The following SUGP1 variants were observed in gnomAD, a reference collection of about 807,000 sequenced individuals.
SUGP1 encodes the protein SURP and G-patch domain containing 1.
Under a neutral mutation model 76.5 loss-of-function variants are expected in SUGP1, and 34 were observed. That is an observed-to-expected ratio of 0.44 (90% CI 0.34 to 0.59). The LOEUF is 0.59. Among genes scored for constraint, SUGP1 ranks in the 20% least tolerant of loss-of-function variants. The probability of loss-of-function intolerance (pLI) is 0.01; values close to 1 mark genes in which losing one functional copy is unlikely to be tolerated. For synonymous variants in SUGP1, 326 were observed against 326.2 expected, an observed-to-expected ratio of 1.00 and a Z score of 0.01; for missense variants, 752 against 851.7, an observed-to-expected ratio of 0.88 and a Z score of 1.46.
intron 8 of SUGP1, among the ~76,000 whole-genome samples, chr19:19,293,593 C>G (rs912135774): frequency 6.6e-5 from 10 of 151,226 alleles, no homozygotes; most frequent in African/African-American, 1.7e-4. Flanking sequence ...AAAAAAAGAA[C>G]AAGAAGAAGT....
intron 11 of SUGP1, 35 bp downstream of exon 11, chr19:19,278,655 G>C (rs1463481109): frequency 6.4e-7 from 1 of 1,569,370 alleles, no homozygotes; most frequent in African/African-American, 1.4e-5. Context: ...GCTGGCATGT[G>C]GCAGAGGCTG....
intron 2 of SUGP1, among the ~76,000 whole-genome samples, 159 bp from the exon 3 acceptor site, chr19:19,310,359 T>C (rs2061344974): frequency 1.3e-5 from 2 of 152,134 alleles, no homozygotes; most frequent in Admixed American, 1.3e-4. Flanking sequence ...CCCCCAGAGA[T>C]TTCAAGAGAC....
At chr19:19,295,851 CAG>C (rs1290384351) in intron 8 of SUGP1, among the ~76,000 whole-genome samples, 3 of 152,008 alleles carry the variant, frequency 2.0e-5, no homozygotes, top group African/African-American at 7.3e-5. Context: ...ACATGGGTGA[CAG>C]AGACCTCATG....
rs2061233974 is a variant in SUGP1, at chr19:19,297,218, G to A, written c.1014C>T (p.Ser338=). The part of the protein sequence containing the change: ...TAPDPGLKRK[S]PPEALSGSLP... ...AGGACCCTGACAGGGCCTCAGGAGG[G>A]GACTTGCGCTTCAGGCCGGGATCAG... is the stretch of plus-strand genomic sequence containing the variant. The change falls in exon 8 of 14, where the codon TCC becomes TCT. Residue 338 remains serine (S), a synonymous_variant. Transcript: ENST00000247001. The A allele has an allele frequency of 1.2e-6, 2 of 1,600,788 alleles. No individual in the cohort carries two copies. The highest frequency in any genetic ancestry group is 1.7e-5 in the Admixed American group (1 of 59,256).
At chr19:19,278,846 G>A (rs748314381) in intron 10 of SUGP1, 50 bp from the exon 11 acceptor site, 2 of 1,566,438 alleles carry the variant, frequency 1.3e-6, no homozygotes, top group Non-Finnish European at 1.7e-6. Context: ...GGAAGGAGGG[G>A]AGCAGGCCTG....
At chr19:19,300,534 A>G (rs2061263204) in intron 7 of SUGP1, among the ~76,000 whole-genome samples, 1 of 152,200 alleles carries the variant, frequency 6.6e-6, no homozygotes. Flanking sequence ...ATGTGGGTCT[A>G]ACTAGCATTT....
At chr19:19,313,029 A>C (rs948289617) in intron 2 of SUGP1, among the ~76,000 whole-genome samples, 11 of 151,534 alleles carry the variant, frequency 7.3e-5, no homozygotes, top group African/African-American at 2.4e-4. Flanking sequence ...AATAAAAAAA[A>C]ACAAAAGGAC....
At chr19:19,288,138 T>A (rs763817373) in intron 8 of SUGP1, among the ~76,000 whole-genome samples, 1 of 151,902 alleles carries the variant, frequency 6.6e-6, no homozygotes, top group African/African-American at 2.4e-5. Context: ...GCCTGGGCAA[T>A]AGAGTGAAAC....
intron 8 of SUGP1, among the ~76,000 whole-genome samples, chr19:19,295,529 C>T (rs1316933700): frequency 7.0e-6 from 1 of 142,620 alleles, no homozygotes; most frequent in African/African-American, 2.6e-5. Context: ...ACTTGAACCT[C>T]GGAGGCAGAG....
At chr19:19,316,787 G>C (rs531627791) in intron 1 of SUGP1, among the ~76,000 whole-genome samples, 194 bp from the exon 2 acceptor site, 1 of 152,208 alleles carries the variant, frequency 6.6e-6, no homozygotes, top group African/African-American at 2.4e-5. Context: ...AGAGAACACA[G>C]GTCTCTGCCC....
chr19:19,280,118 C>CG, intron 9 of SUGP1, 67 bp downstream of exon 9: 1 of 1,470,686 alleles, frequency 6.8e-7, no homozygotes. Flanking sequence ...CCGCTGCACC[C>CG]GGGGGTAGAG....
chr19:19,303,580 G>A, intron 5 of SUGP1, 132 bp from the exon 6 acceptor site: 3 of 1,342,930 alleles, frequency 2.2e-6, no homozygotes, highest in Non-Finnish European at 3.2e-6. Context: ...CGTGCCACAT[G>A]GGAGCCACTT....
chr19:19,305,967 C>T lies in SUGP1; in HGVS notation c.420G>A (p.Pro140=), dbSNP rs376726843. The part of the protein sequence containing the change: ...RRTGLGLASL[P]GPVKSYSHAK... ...CGTGGGAGTAGCTCTTCACAGGGCC[C>T]GGCAGGCTGGCCAGCCCCAGGCCTG... The change falls in exon 4 of 14, where the codon CCG becomes CCA. Residue 140 remains proline (P), a synonymous_variant. Transcript: ENST00000247001. 4.5e-5 allele frequency: 73 copies of T among 1,612,180 alleles called. No homozygotes were observed. Among genetic ancestry groups the T allele is most frequent in the African/African-American group, 4.4e-4 (33 of 74,904 alleles).
chr19:19,307,428 A>G (rs1237471711), intron 3 of SUGP1, among the ~76,000 whole-genome samples: 1 of 152,140 alleles, frequency 6.6e-6, no homozygotes, highest in African/African-American at 2.4e-5. Context: ...ACAGAACTCA[A>G]TGAGATTTAG....
chr19:19,296,348 G>A (rs1321790139), intron 8 of SUGP1, among the ~76,000 whole-genome samples: 1 of 151,530 alleles, frequency 6.6e-6, no homozygotes, highest in East Asian at 1.9e-4. Flanking sequence ...CTGAGGTCAG[G>A]AGTTCGAAAC....
In SUGP1 at chr19:19,320,450, C is replaced by CGG; in HGVS notation, c.34+11_34+12dup. 1 of 1,609,558 alleles carries CGG rather than the reference C, an allele frequency of 6.2e-7. No homozygotes were observed. Among genetic ancestry groups the CGG allele is most frequent in the Non-Finnish European group, 8.5e-7 (1 of 1,178,280 alleles). ...ACCCAGGCGGCCGCCTGAGAGGAGG[C>CGG]GGGGGCTGTTACCTGCAACATCCCG... On this transcript the variant is annotated intron_variant, in intron 1 of 13. Transcript: ENST00000247001.
intron 9 of SUGP1, 136 bp downstream of exon 9, chr19:19,280,049 C>T (rs972042032): frequency 1.2e-5 from 10 of 819,946 alleles, no homozygotes; most frequent in South Asian, 3.5e-5. Context: ...GAAGCCTCCC[C>T]GCTGGCCATG....
chr19:19,305,225 C>T (rs573235747), intron 4 of SUGP1, among the ~76,000 whole-genome samples: 14 of 152,186 alleles, frequency 9.2e-5, no homozygotes, highest in East Asian at 1.9e-4. Context: ...GTGACCTCAC[C>T]GGCTAGCCCT....
At position 19,316,561 on chromosome 19, in the gene SUGP1, G is replaced by C; in HGVS notation, c.67C>G (p.Pro23Ala). ...TTCATGTTCATTTTTCCAGATTTAGGGGGAGCAACCCCAAACCACCGGTTA... is the reference window on the plus strand; with the variant it reads ...TTCATGTTCATTTTTCCAGATTTAGCGGGAGCAACCCCAAACCACCGGTTA... ...KANRWFGVAP[P>A]KSGKMNMNIL... Residue 23 changes from proline to alanine, a missense_variant, in exon 2 of 14, where the codon CCT becomes GCT. Physicochemically the swap from Pro to Ala is conservative, Grantham distance 27. Coordinates refer to ENST00000247001, the MANE Select transcript of SUGP1 (RefSeq NM_172231.4). 4 of 1,613,880 alleles carry C rather than the reference G, an allele frequency of 2.5e-6. No individual in the cohort carries two copies. The highest frequency in any genetic ancestry group is 1.6e-4 in the Middle Eastern group (1 of 6,062).
Sources: gnomAD v4.1 joint callset for allele counts (sites outside exome capture counted in the v4.1 genomes callset) on GRCh38, gnomAD v4.1.1 for gene constraint, MANE v1.5 for transcripts, NCBI Gene and HGNC (gene_info 2026-07-23, HGNC 2026-07-21) for gene names.